Variants in CAMK2D observed in about 807,000 individuals in gnomAD.
CAMK2D encodes calcium/calmodulin dependent protein kinase II delta.
In CAMK2D, 37 loss-of-function variants were observed where a neutral mutation model predicts 84.0. The ratio of observed to expected loss-of-function variants is 0.44; its 90% CI spans 0.34 to 0.58. The LOEUF (loss-of-function observed/expected upper bound fraction) is 0.58. CAMK2D is among the 20% of genes least tolerant of loss of function. The probability of loss-of-function intolerance (pLI) is 0.02; values close to 1 mark genes in which losing one functional copy is unlikely to be tolerated. For synonymous variants in CAMK2D, 202 were observed against 212.5 expected, an observed-to-expected ratio of 0.95 and a Z score of 0.43; for missense variants, 448 against 652.5, an observed-to-expected ratio of 0.69 and a Z score of 3.41.
At chr4:113,618,751 G>T (rs954458469) in intron 3 of CAMK2D, among the ~76,000 whole-genome samples, 2 of 151,990 alleles carry the variant, frequency 1.3e-5, no homozygotes, top group Admixed American at 6.6e-5. Context: ...GTAATCTTAG[G>T]CTCACAATCT....
chr4:113,618,368 A>G (rs984307731), intron 3 of CAMK2D, among the ~76,000 whole-genome samples: 3 of 152,212 alleles, frequency 2.0e-5, no homozygotes, highest in African/African-American at 7.2e-5. Context: ...CCTGGAGAAT[A>G]GTAAATGGAA....
intron 4 of CAMK2D, among the ~76,000 whole-genome samples, chr4:113,596,870 A>G (rs1340351770): frequency 6.8e-6 from 1 of 147,938 alleles, no homozygotes; most frequent in Non-Finnish European, 1.5e-5. Context: ...CCTAGGCTGG[A>G]GTGCAGTGGC....
At chr4:113,670,873 A>G (rs2099278603) in intron 2 of CAMK2D, among the ~76,000 whole-genome samples, 1 of 151,860 alleles carries the variant, frequency 6.6e-6, no homozygotes, top group African/African-American at 2.4e-5. Context: ...GCTTGCAGTG[A>G]GCCAAGATCG....
At chr4:113,645,552 G>C (rs2099148408) in intron 3 of CAMK2D, among the ~76,000 whole-genome samples, 1 of 152,144 alleles carries the variant, frequency 6.6e-6, no homozygotes, top group Non-Finnish European at 1.5e-5. Flanking sequence ...GTGACAGTGA[G>C]AGATAACCAA....
chr4:113,565,638 G>A (rs1350271989), intron 4 of CAMK2D, among the ~76,000 whole-genome samples: 1 of 145,378 alleles, frequency 6.9e-6, no homozygotes, highest in African/African-American at 2.6e-5. Flanking sequence ...GAGACACAGT[G>A]AGACTCTGTC....
chr4:113,658,452 T>C (rs1426559436), intron 3 of CAMK2D, among the ~76,000 whole-genome samples: 3 of 152,122 alleles, frequency 2.0e-5, no homozygotes, highest in African/African-American at 7.2e-5. Context: ...GCCAAATGAC[T>C]TCCTTCCTCC....
chr4:113,659,480 A>C (rs748086700), intron 3 of CAMK2D, among the ~76,000 whole-genome samples: 87 of 152,184 alleles, frequency 5.7e-4, no homozygotes, highest in Non-Finnish European at 9.4e-4. Flanking sequence ...GGTGAGAATG[A>C]GGTTATCAGT....
At position 113,505,115 on chromosome 4, in the gene CAMK2D, T is replaced by C. The variant is rs1053066571; in HGVS notation, c.985-80A>G. On this transcript the variant is annotated intron_variant, in intron 13 of 20. Coordinates refer to ENST00000511664, the MANE Select transcript of CAMK2D (RefSeq NM_001321571.2). ...TGTCTCTAGATGCAGCATGTCTACATAGAGATGTAGACATGAAGATAAAGA... is the reference window on the plus strand; with the variant it reads ...TGTCTCTAGATGCAGCATGTCTACACAGAGATGTAGACATGAAGATAAAGA... 18 of 710,248 alleles carry C rather than the reference T, an allele frequency of 2.5e-5. 1 individual carries two copies. The highest frequency in any genetic ancestry group is 3.4e-5 in the Non-Finnish European group (15 of 439,374). The allele number at this position is 710,248 out of a possible 1,614,324, so 44.0% of individuals were successfully genotyped here. A position where few individuals can be genotyped will look rare whatever the true frequency, so the allele number is the denominator to read the frequency against.
intron 3 of CAMK2D, among the ~76,000 whole-genome samples, chr4:113,649,527 T>A (rs2099164695): frequency 6.6e-6 from 1 of 152,234 alleles, no homozygotes; most frequent in Non-Finnish European, 1.5e-5. Flanking sequence ...TACAACTTTA[T>A]GGCAAAATTC....
intron 3 of CAMK2D, among the ~76,000 whole-genome samples, chr4:113,635,605 C>A (rs1374958197): frequency 6.6e-6 from 1 of 152,158 alleles, no homozygotes; most frequent in Non-Finnish European, 1.5e-5. Context: ...TAGTCCCTGG[C>A]CTTCACAAAT....
chr4:113,495,246 TAC>T (rs1186803231), intron 16 of CAMK2D, among the ~76,000 whole-genome samples: 1 of 152,206 alleles, frequency 6.6e-6, no homozygotes, highest in African/African-American at 2.4e-5. Flanking sequence ...TACACTACAC[TAC>T]AGTTTCCTCT....
At position 113,609,212 on chromosome 4, in the gene CAMK2D, A is replaced by G. The variant is rs757965642; in HGVS notation, c.221-6T>C. The stretch of plus-strand genomic sequence containing the variant: ...TATGCTATCATGAAGTCGCACTAGA[A>G]AAAAATAAGAGAAGAAAAATTGTGT... On this transcript the variant is annotated splice_region_variant and splice_polypyrimidine_tract_variant and intron_variant, in intron 3 of 20. Transcript: ENST00000511664. The G allele has an allele frequency of 6.5e-7, 1 of 1,549,708 alleles. No individual in the cohort carries two copies. The highest frequency in any genetic ancestry group is 1.1e-5 in the South Asian group (1 of 89,726).
intron 2 of CAMK2D, among the ~76,000 whole-genome samples, chr4:113,708,072 A>G (rs1470184774): frequency 6.6e-6 from 1 of 152,194 alleles, no homozygotes; most frequent in East Asian, 1.9e-4. Flanking sequence ...AAGTATAAGT[A>G]TACCAACCAT....
intron 2 of CAMK2D, among the ~76,000 whole-genome samples, chr4:113,679,772 T>C (rs1192238891): frequency 6.6e-6 from 1 of 152,170 alleles, no homozygotes; most frequent in Non-Finnish European, 1.5e-5. Flanking sequence ...AACTTCATAG[T>C]AGGTGTCAGA....
intron 2 of CAMK2D, among the ~76,000 whole-genome samples, chr4:113,702,990 T>G (rs532913354): frequency 2.3e-4 from 35 of 152,288 alleles, no homozygotes; most frequent in African/African-American, 8.2e-4. Flanking sequence ...TAATTCAGAC[T>G]AGACACATTT....
At chr4:113,661,072 G>A (rs1382329484) in intron 3 of CAMK2D, among the ~76,000 whole-genome samples, 1 of 152,156 alleles carries the variant, frequency 6.6e-6, no homozygotes, top group East Asian at 1.9e-4. Context: ...TGGGATTACA[G>A]GCATGAGCCA....
intron 4 of CAMK2D, among the ~76,000 whole-genome samples, chr4:113,553,436 TTC>T (rs2098643842): frequency 1.3e-5 from 2 of 152,222 alleles, no homozygotes; most frequent in Non-Finnish European, 2.9e-5. Context: ...AAATTAGTTT[TTC>T]TTTTTGTTCA....
chr4:113,480,415 C>T (rs2097687381), intron 16 of CAMK2D, among the ~76,000 whole-genome samples: 1 of 152,104 alleles, frequency 6.6e-6, no homozygotes, highest in Admixed American at 6.5e-5. Context: ...GAAAAAACAT[C>T]CTATGACTTA....
intron 2 of CAMK2D, among the ~76,000 whole-genome samples, chr4:113,688,458 T>C (rs141421582): frequency 6.6e-6 from 1 of 152,356 alleles, no homozygotes; most frequent in African/African-American, 2.4e-5. Flanking sequence ...GTAACCTTCA[T>C]CTATTTACAA....
Sources: allele counts gnomAD v4.1 joint callset (sites outside exome capture counted in the v4.1 genomes callset), GRCh38; gene constraint gnomAD v4.1.1; transcripts MANE v1.5; gene names NCBI Gene and HGNC (gene_info 2026-07-23, HGNC 2026-07-21).